Variants in TAFA2 observed in about 807,000 individuals in gnomAD.
TAFA2 encodes TAFA chemokine like family member 2, also known as chemokine-like protein TAFA-2.
In TAFA2, 7 loss-of-function variants were observed where a neutral mutation model predicts 18.8. That is an observed-to-expected ratio of 0.37 (90% CI 0.21 to 0.70). The LOEUF is 0.70. TAFA2 is among the 30% of genes least tolerant of loss of function. TAFA2 has a pLI of 0.53. For missense variants in TAFA2, 122 were observed against 158.1 expected, an observed-to-expected ratio of 0.77 and a Z score of 1.23; for synonymous variants, 60 against 54.2, an observed-to-expected ratio of 1.11 and a Z score of -0.47.
intron 1 of TAFA2, among the ~76,000 whole-genome samples, chr12:62,066,921 A>G (rs2136797148): frequency 6.6e-6 from 1 of 152,176 alleles, no homozygotes; most frequent in Middle Eastern, 3.4e-3. Context: ...ACTAATTTAC[A>G]TTCCTACCAA....
chr12:61,790,288 T>G (rs1374310516), intron 2 of TAFA2, among the ~76,000 whole-genome samples: 1 of 151,784 alleles, frequency 6.6e-6, no homozygotes, highest in African/African-American at 2.4e-5. Flanking sequence ...AGCTAAACAC[T>G]TTTTCTTTAA....
At chr12:62,079,680 T>A (rs1219898737) in intron 1 of TAFA2, among the ~76,000 whole-genome samples, 1 of 150,886 alleles carries the variant, frequency 6.6e-6, no homozygotes, top group Non-Finnish European at 1.5e-5. Context: ...AAAAAAAAAT[T>A]TTTAACAGCA....
chr12:61,859,512 C>T (rs777551528), intron 2 of TAFA2, among the ~76,000 whole-genome samples: 10 of 152,180 alleles, frequency 6.6e-5, no homozygotes, highest in African/African-American at 9.7e-5. Context: ...GGCGTGATCT[C>T]GGCTCACTGC....
intron 2 of TAFA2, among the ~76,000 whole-genome samples, chr12:61,833,104 T>G (rs1872780913): frequency 6.7e-6 from 1 of 148,660 alleles, no homozygotes; most frequent in African/African-American, 2.4e-5. Flanking sequence ...TATATGATTC[T>G]CCAGTTCTCC....
intron 1 of TAFA2, among the ~76,000 whole-genome samples, chr12:62,224,309 A>G (rs999350953): frequency 1.3e-5 from 2 of 152,134 alleles, no homozygotes; most frequent in Non-Finnish European, 2.9e-5. Flanking sequence ...AAAATACCAT[A>G]ATCTGGGTGG....
intron 2 of TAFA2, among the ~76,000 whole-genome samples, chr12:61,857,223 A>T (rs1873921666): frequency 6.6e-6 from 1 of 152,124 alleles, no homozygotes; most frequent in Non-Finnish European, 1.5e-5. Context: ...AGAAACATTG[A>T]GTTGGCAAAT....
At chr12:61,962,560 A>C (rs968496637) in intron 1 of TAFA2, among the ~76,000 whole-genome samples, 1 of 151,958 alleles carries the variant, frequency 6.6e-6, no homozygotes, top group African/African-American at 2.4e-5. Context: ...TTTAAAACAT[A>C]TACACATTTT....
chr12:61,812,948 T>C (rs1373539882), intron 2 of TAFA2, among the ~76,000 whole-genome samples: 2 of 151,440 alleles, frequency 1.3e-5, no homozygotes, highest in African/African-American at 4.9e-5. Context: ...TATCCTCTTG[T>C]TTGCTATTAT....
intron 2 of TAFA2, 61 bp from the exon 3 acceptor site, chr12:61,755,085 T>A (rs1233910306): frequency 1.8e-5 from 28 of 1,537,524 alleles, no homozygotes; most frequent in Non-Finnish European, 1.8e-6. Flanking sequence ...CCCCCACCCT[T>A]CTTTTTAATT....
intron 1 of TAFA2, among the ~76,000 whole-genome samples, chr12:62,132,429 T>C (rs1038180286): frequency 2.0e-5 from 3 of 152,018 alleles, no homozygotes; most frequent in African/African-American, 7.2e-5. Flanking sequence ...GAGTGGTCTC[T>C]GATGTGTCTA....
At chr12:62,150,039 T>A (rs2062316764) in intron 1 of TAFA2, among the ~76,000 whole-genome samples, 1 of 152,216 alleles carries the variant, frequency 6.6e-6, no homozygotes, top group Non-Finnish European at 1.5e-5. Context: ...TCCAGTAAAC[T>A]GAAAGTTAAA....
rs1281715482 is a variant in TAFA2, at chr12:62,052,616, T to G, written c.-2+138643A>C. Among the ~76,000 whole-genome samples the G allele has an allele frequency of 3.3e-5, 5 of 152,278 alleles. No homozygotes were observed. The East Asian group carries it at 9.6e-4, about 29-fold the overall frequency. ...ACTCTGTTTTCCTAGCACCTGGCAA[T>G]CAATAAGAAGCAGGTAAGTCCCCAG... On this transcript the variant is annotated intron_variant, in intron 1 of 4. Coordinates refer to ENST00000416284, the MANE Select transcript of TAFA2 (RefSeq NM_178539.5).
intron 2 of TAFA2, among the ~76,000 whole-genome samples, chr12:61,848,246 A>C (rs1873488834): frequency 6.6e-6 from 1 of 152,214 alleles, no homozygotes; most frequent in Non-Finnish European, 1.5e-5. Context: ...CAAAAGAGCA[A>C]AACAACTCCC....
chr12:61,833,729 C>T (rs1463847541), intron 2 of TAFA2, among the ~76,000 whole-genome samples: 1 of 151,758 alleles, frequency 6.6e-6, no homozygotes, highest in African/African-American at 2.4e-5. Context: ...CTTTTGTTGT[C>T]TATAAGAACT....
intron 2 of TAFA2, among the ~76,000 whole-genome samples, chr12:61,801,197 T>C (rs1044573553): frequency 6.6e-6 from 1 of 152,060 alleles, no homozygotes; most frequent in Non-Finnish European, 1.5e-5. Flanking sequence ...GTACTACCCA[T>C]AGCAATCTAC....
intron 1 of TAFA2, among the ~76,000 whole-genome samples, chr12:62,083,517 G>A (rs549151180): frequency 3.9e-5 from 6 of 151,932 alleles, no homozygotes; most frequent in Admixed American, 1.3e-4. Flanking sequence ...TCTCCTCTCC[G>A]CCATGAAAGT....
At chr12:61,982,453 G>C (rs1350905970) in intron 1 of TAFA2, among the ~76,000 whole-genome samples, 1 of 151,890 alleles carries the variant, frequency 6.6e-6, no homozygotes, top group Non-Finnish European at 1.5e-5. Context: ...AAAAAGAAAA[G>C]AAAAGAAATG....
At chr12:61,724,484 C>A (rs1314958622) in intron 4 of TAFA2, among the ~76,000 whole-genome samples, 1 of 151,508 alleles carries the variant, frequency 6.6e-6, no homozygotes, top group East Asian at 1.9e-4. Context: ...GTACACTCAT[C>A]CCCTGAAGAG....
Position 61,791,640 on chromosome 12 carries a change from A to G in TAFA2, c.107-36616T>C, listed in dbSNP as rs1438347171. On this transcript the variant is annotated intron_variant, in intron 2 of 4. Coordinates refer to ENST00000416284, the MANE Select transcript of TAFA2 (RefSeq NM_178539.5). Reference sequence around the variant, plus strand: ...AAAATGCTCAACATCACTAATCAACAGGGAAATGAAAATTAAAACCACAGT... The same window carrying G: ...AAAATGCTCAACATCACTAATCAACGGGGAAATGAAAATTAAAACCACAGT... Among the ~76,000 whole-genome samples, 7 of 152,060 alleles carry G rather than the reference A, an allele frequency of 4.6e-5. No individual in the cohort carries two copies. The East Asian group carries it at 1.4e-3, about 29-fold the overall frequency.
Sources: allele counts gnomAD v4.1 joint callset (sites outside exome capture counted in the v4.1 genomes callset), GRCh38; gene constraint gnomAD v4.1.1; transcripts MANE v1.5; gene names NCBI Gene and HGNC (gene_info 2026-07-23, HGNC 2026-07-21).